Variants in SH3RF1 observed in about 807,000 individuals in gnomAD.
The protein encoded by SH3RF1 is SH3 domain containing ring finger 1, also known as E3 ubiquitin-protein ligase SH3RF1.
Under a neutral mutation model 74.0 loss-of-function variants are expected in SH3RF1, and 32 were observed. The ratio of observed to expected loss-of-function variants is 0.43; its 90% CI spans 0.33 to 0.58. The LOEUF (loss-of-function observed/expected upper bound fraction) is 0.58, where lower values mean the gene tolerates loss of function less well. Among genes scored for constraint, SH3RF1 ranks in the 20% least tolerant of loss-of-function variants. SH3RF1 has a pLI of 0.05. For synonymous variants in SH3RF1, 396 were observed against 439.6 expected, an observed-to-expected ratio of 0.90 and a Z score of 1.24; for missense variants, 954 against 1,130.9, an observed-to-expected ratio of 0.84 and a Z score of 2.24.
intron 4 of SH3RF1, among the ~76,000 whole-genome samples, chr4:169,138,038 C>G (rs921225461): frequency 6.6e-6 from 1 of 152,112 alleles, no homozygotes; most frequent in Non-Finnish European, 1.5e-5. Flanking sequence ...GTACCAATGG[C>G]GGGAGAAAGA....
intron 4 of SH3RF1, among the ~76,000 whole-genome samples, chr4:169,139,466 T>A (rs1371686716): frequency 6.6e-6 from 1 of 152,254 alleles, no homozygotes; most frequent in Non-Finnish European, 1.5e-5. Flanking sequence ...CTGTGTAATA[T>A]TCTATTGTGT....
chr4:169,217,784 T>G (rs1730491119), intron 2 of SH3RF1, among the ~76,000 whole-genome samples: 1 of 152,136 alleles, frequency 6.6e-6, no homozygotes, highest in African/African-American at 2.4e-5. Context: ...TGATGGTCGC[T>G]CAACAATGTG....
In SH3RF1 at chr4:169,156,579, C is replaced by T; in HGVS notation, c.494G>A (p.Arg165Lys). ...FSKGDIIILR[R>K]QVDENWYHGE... ...ATGGTACCAATTTTCATCCACTTGTCTTCGCAAAATGATGATGTCACCTTT... is the reference window on the plus strand; with the variant it reads ...ATGGTACCAATTTTCATCCACTTGTTTTCGCAAAATGATGATGTCACCTTT... The change falls in exon 3 of 12, where the codon AGA becomes AAA. Residue 165 changes from arginine (R) to lysine (K), a missense_variant. By Grantham distance (26) the Arg-to-Lys change is conservative (BLOSUM62 2). Coordinates refer to ENST00000284637, the MANE Select transcript of SH3RF1 (RefSeq NM_020870.4). The T allele has an allele frequency of 1.2e-6, 2 of 1,614,064 alleles. No homozygotes were observed. The highest frequency in any genetic ancestry group is 1.7e-6 in the Non-Finnish European group (2 of 1,179,994).
intron 2 of SH3RF1, among the ~76,000 whole-genome samples, chr4:169,231,198 C>A (rs898902120): frequency 1.3e-5 from 2 of 152,116 alleles, no homozygotes; most frequent in Admixed American, 1.3e-4. Context: ...AAATGTGGCC[C>A]ATTATTACAT....
chr4:169,183,759 A>C (rs1178853250), intron 2 of SH3RF1, among the ~76,000 whole-genome samples: 22 of 151,792 alleles, frequency 1.4e-4, no homozygotes, highest in African/African-American at 3.4e-4. Context: ...TTAAAAAAAA[A>C]AAAACAAAAC....
chr4:169,107,146 G>C lies in SH3RF1; in HGVS notation c.2199C>G (p.Arg733=), dbSNP rs763019219. ...GGGTGGGCGATGCTGGAGGAGACAC[G>C]CGGGGCTTCCGTTTAGTGGAGGCGC... ...LSGASTKRKP[R]VSPPASPTLE... is the part of the protein sequence containing the mutation. The change falls in exon 11 of 12, where the codon CGC becomes CGG. Residue 733 remains arginine (R), a synonymous_variant. Coordinates refer to ENST00000284637, the MANE Select transcript of SH3RF1 (RefSeq NM_020870.4). 1.9e-6 allele frequency: 3 copies of C among 1,596,440 alleles called. No individual in the cohort carries two copies. In the African/African-American group the frequency reaches 4.0e-5, roughly 22 times the overall value.
intron 8 of SH3RF1, among the ~76,000 whole-genome samples, chr4:169,119,463 A>G (rs1174120577): frequency 2.0e-5 from 3 of 151,564 alleles, no homozygotes; most frequent in African/African-American, 7.3e-5. Flanking sequence ...TTGGTTTTTG[A>G]TAAAGATGTT....
intron 2 of SH3RF1, among the ~76,000 whole-genome samples, chr4:169,246,880 C>A (rs1175711360): frequency 1.3e-5 from 2 of 152,190 alleles, no homozygotes; most frequent in Non-Finnish European, 2.9e-5. Flanking sequence ...GACAATCTTG[C>A]AAGACTGCTG....
chr4:169,180,900 C>T (rs1208967582), intron 2 of SH3RF1, among the ~76,000 whole-genome samples: 1 of 152,130 alleles, frequency 6.6e-6, no homozygotes, highest in African/African-American at 2.4e-5. Flanking sequence ...AAATCTTGAG[C>T]ACCTATTAGC....
intron 2 of SH3RF1, among the ~76,000 whole-genome samples, chr4:169,252,769 G>A (rs2110748184): frequency 6.6e-6 from 1 of 152,232 alleles, no homozygotes; most frequent in East Asian, 1.9e-4. Flanking sequence ...CAAAACACAG[G>A]CTCTTTTTTC....
chr4:169,137,307 A>C (rs1384911763), intron 4 of SH3RF1, among the ~76,000 whole-genome samples: 1 of 152,172 alleles, frequency 6.6e-6, no homozygotes, highest in Non-Finnish European at 1.5e-5. Flanking sequence ...AGTTAACTTC[A>C]TCTATCTGAA....
At chr4:169,223,886 G>A (rs778847787) in intron 2 of SH3RF1, among the ~76,000 whole-genome samples, 1 of 152,148 alleles carries the variant, frequency 6.6e-6, no homozygotes, top group Non-Finnish European at 1.5e-5. Flanking sequence ...AAAACCCTGG[G>A]GCAGAACAGT....
intron 2 of SH3RF1, among the ~76,000 whole-genome samples, chr4:169,250,091 C>T (rs966656989): frequency 1.3e-5 from 2 of 152,196 alleles, no homozygotes; most frequent in Admixed American, 6.5e-5. Flanking sequence ...GTACAAAAAA[C>T]AATGTCACTT....
rs1047145769 is a variant in SH3RF1, at chr4:169,122,238, G to A, written c.1208C>T (p.Pro403Leu). Residue 403 changes from proline to leucine, a missense_variant, in exon 7 of 12, where the codon CCT becomes CTT. Around this residue, in one of 3 missense-constraint regions of SH3RF1, gnomAD observed 854 missense variants for 962.5 expected, o/e 0.89. Coordinates refer to ENST00000284637, the MANE Select transcript of SH3RF1 (RefSeq NM_020870.4). ...GTLNPPLPPPPLLAATVLAST... is the reference protein window; with the variant it reads ...GTLNPPLPPPLLLAATVLAST... Reference sequence around the variant, plus strand: ...GGCAAGGACAGTGGCAGCCAGGAGAGGGGGTGGTGGAAGAGGAGGATTCAA... The same window carrying A: ...GGCAAGGACAGTGGCAGCCAGGAGAAGGGGTGGTGGAAGAGGAGGATTCAA... 2.5e-6 allele frequency: 4 copies of A among 1,607,880 alleles called. No individual in the cohort carries two copies. The highest frequency in any genetic ancestry group is 3.4e-5 in the Admixed American group (2 of 58,612).
At chr4:169,209,638 TG>T (rs1167537252) in intron 2 of SH3RF1, among the ~76,000 whole-genome samples, 1 of 152,184 alleles carries the variant, frequency 6.6e-6, no homozygotes, top group Admixed American at 6.5e-5. Context: ...GTTCAAACCC[TG>T]GTCCCACCAT....
chr4:169,117,686 C>T lies in SH3RF1; in HGVS notation c.1614G>A (p.Gly538=). Residue 538 remains glycine (G), a synonymous_variant, in exon 9 of 12, where the codon GGG becomes GGA. Transcript: ENST00000284637. The part of the protein sequence containing the change: ...VTMVSPSTAG[G]PAQKLQGNGV... ...CATTTCCCTGGAGCTTCTGGGCAGG[C>T]CCTCCTGCCGTGGAAGGACTGACCA... 1.9e-6 allele frequency: 3 copies of T among 1,614,186 alleles called. No individual in the cohort carries two copies. The highest frequency in any genetic ancestry group is 1.7e-6 in the Non-Finnish European group (2 of 1,180,038).
At chr4:169,197,275 T>A (rs1257831651) in intron 2 of SH3RF1, among the ~76,000 whole-genome samples, 1 of 152,262 alleles carries the variant, frequency 6.6e-6, no homozygotes, top group East Asian at 1.9e-4. Context: ...GTGCTAGGAT[T>A]ATAGACATGA....
intron 2 of SH3RF1, among the ~76,000 whole-genome samples, chr4:169,238,345 G>T (rs1579156684): frequency 6.6e-6 from 1 of 152,130 alleles, no homozygotes; most frequent in Admixed American, 6.5e-5. Flanking sequence ...CGCTAGCACT[G>T]GCCAAATACA....
chr4:169,265,351 A>G (rs558032272), intron 2 of SH3RF1, among the ~76,000 whole-genome samples: 174 of 152,338 alleles, frequency 1.1e-3, no homozygotes, highest in Non-Finnish European at 2.2e-3. Context: ...CATGTGATCT[A>G]TTTTTTGGAT....
Sources: allele counts gnomAD v4.1 joint callset (sites outside exome capture counted in the v4.1 genomes callset), GRCh38; gene constraint gnomAD v4.1.1; regional missense constraint gnomAD v4.1.1; transcripts MANE v1.5; gene names NCBI Gene and HGNC (gene_info 2026-07-23, HGNC 2026-07-21).